The following SLC26A7 variants were observed in gnomAD, a reference collection of about 807,000 sequenced individuals.
The protein encoded by SLC26A7 is solute carrier family 26 member 7, also known as anion exchange transporter.
SLC26A7 carries 59 observed loss-of-function variants against 82.5 expected under a neutral mutation model. That is an observed-to-expected ratio of 0.72 (90% CI 0.58 to 0.89). The LOEUF is 0.89. Ranked by LOEUF, SLC26A7 falls within the 40% of genes least tolerant of loss-of-function variation. The pLI is 0.00. For synonymous variants in SLC26A7, 271 were observed against 274.3 expected, an observed-to-expected ratio of 0.99 and a Z score of 0.12; for missense variants, 820 against 793.0, an observed-to-expected ratio of 1.03 and a Z score of -0.41.
intron 2 of SLC26A7, among the ~76,000 whole-genome samples, chr8:91,278,726 C>T (rs34982674): frequency 0.2 from 29,870 of 151,896 alleles, 3,721 homozygotes; most frequent in African/African-American, 0.35. Context: ...AATTAACATA[C>T]GCATTACCTC....
chr8:91,249,452 G>A, intron 1 of SLC26A7, 39 bp downstream of exon 1: 1 of 397,932 alleles, frequency 2.5e-6, no homozygotes, highest in Non-Finnish European at 4.4e-6. Flanking sequence ...ATAATTAGCT[G>A]TATCATAAAA....
At chr8:91,243,276 G>T (rs145786309) in intron 2 of SLC26A7, among the ~76,000 whole-genome samples, 1 of 152,208 alleles carries the variant, frequency 6.6e-6, no homozygotes, top group African/African-American at 2.4e-5. Flanking sequence ...TTACCCTCCT[G>T]CTTGAAACAA....
intron 2 of SLC26A7, among the ~76,000 whole-genome samples, chr8:91,259,745 A>C (rs1476431825): frequency 1.3e-5 from 2 of 152,054 alleles, no homozygotes; most frequent in Non-Finnish European, 2.9e-5. Context: ...CCTGATTATA[A>C]CCTACCATAT....
upstream of SLC26A7, among the ~76,000 whole-genome samples, chr8:91,248,586 A>G (rs1810580632): frequency 6.6e-6 from 1 of 152,130 alleles, no homozygotes; most frequent in Admixed American, 6.6e-5. Context: ...AAGCAAAATG[A>G]TCATAAAATA....
intron 13 of SLC26A7, among the ~76,000 whole-genome samples, chr8:91,365,047 C>CTCT (rs33925452): frequency 0.42 from 64,084 of 151,876 alleles, 15,029 homozygotes; most frequent in African/African-American, 0.62. Flanking sequence ...ACTCTTCCAT[C>CTCT]TCTTCATGTG....
chr8:91,281,111 A>G (rs539552432), intron 2 of SLC26A7, among the ~76,000 whole-genome samples: 1 of 152,256 alleles, frequency 6.6e-6, no homozygotes, highest in South Asian at 2.1e-4. Flanking sequence ...AGATTGCTTT[A>G]AAAAGTCTTA....
At chr8:91,253,911 A>G (rs1487019728) in intron 2 of SLC26A7, among the ~76,000 whole-genome samples, 1 of 152,164 alleles carries the variant, frequency 6.6e-6, no homozygotes, top group Non-Finnish European at 1.5e-5. Flanking sequence ...GAAGCCAACA[A>G]TTGTTCCATT....
In SLC26A7 at chr8:91,279,125, G is replaced by GTGTGTATA. The variant is rs1382744780; in HGVS notation, c.194-10010_194-10009insGTGTATAT. Among the ~76,000 whole-genome samples the GTGTGTATA allele has an allele frequency of 4.8e-3, 535 of 111,134 alleles. 5 individuals carry two copies. Among genetic ancestry groups the GTGTGTATA allele is most frequent in the African/African-American group, 8.9e-3 (251 of 28,204 alleles). The allele number at this position is 111,134 out of a possible 152,430, so 72.9% of individuals were successfully genotyped here. On this transcript the variant is annotated intron_variant, in intron 2 of 18. Coordinates refer to ENST00000276609, the MANE Select transcript of SLC26A7 (RefSeq NM_052832.4). Reference sequence around the variant, plus strand: ...TATTTCATAGTATGTGTGTGTGTGTGTATATATATATATATATATATATAT... The same window carrying GTGTGTATA: ...TATTTCATAGTATGTGTGTGTGTGTGTGTGTATATATATATATATATATATATATATAT...
At position 91,257,662 on chromosome 8, in the gene SLC26A7, G is replaced by A. The variant is rs908751844; in HGVS notation, c.193+7818G>A. Among the ~76,000 whole-genome samples the A allele has an allele frequency of 7.9e-5, 12 of 151,460 alleles. 1 individual carries two copies. Among genetic ancestry groups the A allele is most frequent in the Admixed American group, 7.9e-4 (12 of 15,190 alleles). On this transcript the variant is annotated intron_variant, in intron 2 of 18. Coordinates refer to ENST00000276609, the MANE Select transcript of SLC26A7 (RefSeq NM_052832.4). ...ACATTTTTTCCCCTTCATTCTTTGT[G>A]CTTGACTGTCTTTTCCTTCTATACA...
At chr8:91,364,259 T>A (rs1437440784) in intron 13 of SLC26A7, among the ~76,000 whole-genome samples, 1 of 152,118 alleles carries the variant, frequency 6.6e-6, no homozygotes, top group Non-Finnish European at 1.5e-5. Flanking sequence ...TTGGCTAACC[T>A]TTTTCCGTTT....
At chr8:91,313,850 T>C (rs1361013968) in intron 4 of SLC26A7, among the ~76,000 whole-genome samples, 2 of 152,230 alleles carry the variant, frequency 1.3e-5, no homozygotes, top group African/African-American at 4.8e-5. Flanking sequence ...CAACATAACC[T>C]AAAATACATT....
intron 9 of SLC26A7, chr8:91,348,330 A>G: frequency 1.0e-6 from 1 of 985,320 alleles, no homozygotes; most frequent in Non-Finnish European, 1.2e-6. Context: ...AGAACTACTT[A>G]TGCCTTCTTT....
At chr8:91,307,346 A>T (rs1436048842) in intron 4 of SLC26A7, among the ~76,000 whole-genome samples, 4 of 136,334 alleles carry the variant, frequency 2.9e-5, no homozygotes, top group Non-Finnish European at 6.3e-5. Flanking sequence ...AGACACATGC[A>T]CACGTATGTT....
intron 10 of SLC26A7, 98 bp downstream of exon 10, chr8:91,351,985 A>G: frequency 1.1e-6 from 1 of 933,866 alleles, no homozygotes. Flanking sequence ...AACAATCCTA[A>G]ATGTAGAAAC....
At chr8:91,368,417 T>TTA (rs946571470) in intron 14 of SLC26A7, among the ~76,000 whole-genome samples, 1 of 151,368 alleles carries the variant, frequency 6.6e-6, no homozygotes, top group Non-Finnish European at 1.5e-5. Flanking sequence ...GATGAGGTTT[T>TTA]TTTTTTTGTT....
intron 6 of SLC26A7, among the ~76,000 whole-genome samples, chr8:91,336,940 T>A (rs1290375007): frequency 6.6e-6 from 1 of 152,218 alleles, no homozygotes; most frequent in Non-Finnish European, 1.5e-5. Flanking sequence ...TGAACAATTA[T>A]AATTTATTAA....
At chr8:91,246,618 TGAACCTG>T (rs1158612933), upstream of SLC26A7, among the ~76,000 whole-genome samples, 2 of 151,936 alleles carry the variant, frequency 1.3e-5, no homozygotes, top group Non-Finnish European at 2.9e-5. Flanking sequence ...GAGAATCGCT[TGAACCTG>T]GAAGGTGGAG....
chr8:91,284,660 T>G (rs897923635), intron 2 of SLC26A7, among the ~76,000 whole-genome samples: 1 of 152,312 alleles, frequency 6.6e-6, no homozygotes, highest in Non-Finnish European at 1.5e-5. Context: ...GATGAAACTT[T>G]AACTCTTACA....
chr8:91,366,026 TG>T (rs1423987210), intron 13 of SLC26A7, among the ~76,000 whole-genome samples: 4 of 152,210 alleles, frequency 2.6e-5, no homozygotes, highest in Non-Finnish European at 5.9e-5. Context: ...CACCACATCC[TG>T]GCAATCCAGT....
Sources: gnomAD v4.1 joint callset for allele counts (sites outside exome capture counted in the v4.1 genomes callset) on GRCh38, gnomAD v4.1.1 for gene constraint, MANE v1.5 for transcripts, NCBI Gene and HGNC (gene_info 2026-07-23, HGNC 2026-07-21) for gene names.